The following WWOX variants were observed in gnomAD, a reference collection of about 807,000 sequenced individuals.
The protein encoded by WWOX is WW domain-containing oxidoreductase.
Under a neutral mutation model 46.2 loss-of-function variants are expected in WWOX, and 69 were observed. The observed-to-expected ratio is 1.49, with a 90% confidence interval of 1.23 to 1.82. The LOEUF (loss-of-function observed/expected upper bound fraction) is 1.82. WWOX is among the 40% of genes most tolerant of loss of function. WWOX has a pLI of 0.00. For synonymous variants in WWOX, 359 were observed against 202.6 expected (o/e 1.77, Z -6.56); for missense variants, 919 against 542.6 (o/e 1.69, Z -6.89).
chr16:78,583,631 T>A (rs1228192982), intron 8 of WWOX, among the ~76,000 whole-genome samples: 1 of 152,140 alleles, frequency 6.6e-6, no homozygotes, highest in Non-Finnish European at 1.5e-5. Context: ...AGTGATAACA[T>A]AATGATAATG....
intron 8 of WWOX, among the ~76,000 whole-genome samples, chr16:79,190,857 A>C (rs1369916343): frequency 1.3e-5 from 2 of 152,236 alleles, no homozygotes; most frequent in Non-Finnish European, 2.9e-5. Flanking sequence ...AATATTTACT[A>C]TCTGCCCTTT....
chr16:78,268,055 G>A (rs2079405197), intron 5 of WWOX, among the ~76,000 whole-genome samples: 1 of 152,252 alleles, frequency 6.6e-6, no homozygotes, highest in African/African-American at 2.4e-5. Flanking sequence ...CTTGACTCAA[G>A]CGATCTGCCT....
intron 8 of WWOX, among the ~76,000 whole-genome samples, chr16:78,465,516 A>C (rs939324438): frequency 1.3e-5 from 2 of 152,168 alleles, no homozygotes; most frequent in East Asian, 1.9e-4. Context: ...CTGTTTTATC[A>C]CATGACCACA....
chr16:78,805,071 T>A (rs764916762), intron 8 of WWOX, among the ~76,000 whole-genome samples: 8 of 152,238 alleles, frequency 5.3e-5, no homozygotes, highest in Non-Finnish European at 8.8e-5. Flanking sequence ...ATAAAAGTAC[T>A]TTTCTGCATG....
In WWOX at chr16:78,497,336, T is replaced by C. The variant is rs140294614; in HGVS notation, c.1056+64584T>C. On this transcript the variant is annotated intron_variant, in intron 8 of 8. Coordinates refer to ENST00000566780, the MANE Select transcript of WWOX (RefSeq NM_016373.4). ...ATCAACTCAAAGTGGATTGGAGACTTAAACATAAGATCTGACAGTGTAAAA... is the reference window on the plus strand; with the variant it reads ...ATCAACTCAAAGTGGATTGGAGACTCAAACATAAGATCTGACAGTGTAAAA... 4.7e-3 allele frequency among the ~76,000 whole-genome samples: 717 copies of C among 152,334 alleles called. 3 individuals are homozygous for C. The highest frequency in any genetic ancestry group is 8.0e-3 in the Non-Finnish European group (541 of 68,036).
chr16:78,805,115 C>A (rs966903458), intron 8 of WWOX, among the ~76,000 whole-genome samples: 1 of 151,164 alleles, frequency 6.6e-6, no homozygotes, highest in African/African-American at 2.4e-5. Context: ...ATATCACTAC[C>A]AAAATATCAA....
At chr16:78,958,205 A>G (rs2046206987) in intron 8 of WWOX, among the ~76,000 whole-genome samples, 1 of 152,178 alleles carries the variant, frequency 6.6e-6, no homozygotes, top group African/African-American at 2.4e-5. Flanking sequence ...GCTGACTTAA[A>G]CACTCAGCTC....
intron 6 of WWOX, among the ~76,000 whole-genome samples, chr16:78,398,409 G>C (rs1278694114): frequency 4.6e-5 from 7 of 152,186 alleles, no homozygotes; most frequent in African/African-American, 1.7e-4. Context: ...TGTAAGCATA[G>C]ATTCCAAAGT....
At chr16:78,228,629 A>G (rs1045664383) in intron 5 of WWOX, among the ~76,000 whole-genome samples, 46 of 152,216 alleles carry the variant, frequency 3.0e-4, no homozygotes, top group African/African-American at 1.1e-3. Context: ...GGTGTGAGCC[A>G]CTGTATCTGG....
intron 8 of WWOX, among the ~76,000 whole-genome samples, chr16:78,809,138 C>A (rs183059478): frequency 2.6e-5 from 4 of 151,714 alleles, no homozygotes; most frequent in Non-Finnish European, 2.9e-5. Flanking sequence ...CCCCCTGCAC[C>A]CTTCTCAGAT....
chr16:78,720,337 C>G (rs1158225358), intron 8 of WWOX, among the ~76,000 whole-genome samples: 3 of 152,066 alleles, frequency 2.0e-5, no homozygotes, highest in Non-Finnish European at 4.4e-5. Context: ...TTTCTTTTCA[C>G]AAGAAAGAAT....
chr16:78,769,281 C>T (rs938547347), intron 8 of WWOX, among the ~76,000 whole-genome samples: 2 of 152,178 alleles, frequency 1.3e-5, no homozygotes, highest in East Asian at 3.9e-4. Context: ...GAGTCACCAT[C>T]GTCCATCCGT....
At chr16:78,875,241 C>T (rs1025818802) in intron 8 of WWOX, among the ~76,000 whole-genome samples, 3 of 152,080 alleles carry the variant, frequency 2.0e-5, no homozygotes, top group African/African-American at 7.2e-5. Context: ...ATGTTCACCG[C>T]TTCTTTAGGG....
At chr16:78,793,273 C>G (rs984371070) in intron 8 of WWOX, among the ~76,000 whole-genome samples, 1 of 152,082 alleles carries the variant, frequency 6.6e-6, no homozygotes, top group Admixed American at 6.5e-5. Context: ...GTTGCACTGG[C>G]TGGTCTGGAA....
intron 8 of WWOX, among the ~76,000 whole-genome samples, chr16:79,129,009 G>C (rs935881607): frequency 2.0e-5 from 3 of 152,168 alleles, no homozygotes; most frequent in Non-Finnish European, 4.4e-5. Flanking sequence ...TTTTCCATTT[G>C]CTGGTAAACA....
chr16:79,084,798 G>T (rs2048824197), intron 8 of WWOX, among the ~76,000 whole-genome samples: 4 of 152,134 alleles, frequency 2.6e-5, no homozygotes, highest in Admixed American at 2.6e-4. Flanking sequence ...AAGAAGAAAG[G>T]AGTCTGTGGA....
chr16:78,356,936 C>A (rs1177695057), intron 5 of WWOX, among the ~76,000 whole-genome samples: 1 of 152,084 alleles, frequency 6.6e-6, no homozygotes, highest in Non-Finnish European at 1.5e-5. Context: ...AGATCTTCAC[C>A]CAATCAAGGA....
chr16:79,097,120 G>A (rs774973650), intron 8 of WWOX, among the ~76,000 whole-genome samples: 2 of 151,820 alleles, frequency 1.3e-5, no homozygotes, highest in Non-Finnish European at 2.9e-5. Flanking sequence ...TACCCTGTAG[G>A]TACTCGTTAT....
chr16:78,703,545 G>C (rs369085276), intron 8 of WWOX, among the ~76,000 whole-genome samples: 18 of 152,212 alleles, frequency 1.2e-4, no homozygotes, highest in Non-Finnish European at 1.9e-4. Context: ...CTTGAGTCCA[G>C]GAGTTTGAGG....
Sources: gnomAD v4.1 joint callset for allele counts (sites outside exome capture counted in the v4.1 genomes callset) on GRCh38, gnomAD v4.1.1 for gene constraint, MANE v1.5 for transcripts, NCBI Gene and HGNC (gene_info 2026-07-23, HGNC 2026-07-21) for gene names.